The following LRRN4 variants were observed in gnomAD, a reference collection of about 807,000 sequenced individuals.
The protein encoded by LRRN4 is leucine rich repeat neuronal 4.
LRRN4 carries 26 observed loss-of-function variants against 22.3 expected under a neutral mutation model. That is an observed-to-expected ratio of 1.16 (90% CI 0.85 to 1.62). LRRN4 has a LOEUF of 1.62. Ranked by LOEUF, LRRN4 falls within the 40% of genes most tolerant of loss-of-function variation. LRRN4 has a pLI of 0.00. For missense variants in LRRN4, 1,070 were observed against 1,008.5 expected (o/e 1.06, Z -0.83); for synonymous variants, 496 against 486.2 (o/e 1.02, Z -0.26).
At chr20:6,053,176 A>G (rs11087709) in intron 1 of LRRN4, among the ~76,000 whole-genome samples, 2 of 152,176 alleles carry the variant, frequency 1.3e-5, no homozygotes, top group East Asian at 3.9e-4. Context: ...TGTCCCCTTT[A>G]TTGCTGCAAA....
chr20:6,042,651 T>C (rs1463758167), intron 4 of LRRN4, among the ~76,000 whole-genome samples: 1 of 152,194 alleles, frequency 6.6e-6, no homozygotes, highest in East Asian at 1.9e-4. Flanking sequence ...GCCGGTGCGA[T>C]GGCTCAAGCC....
intron 3 of LRRN4, among the ~76,000 whole-genome samples, chr20:6,047,429 C>T (rs1019079921): frequency 7.9e-5 from 6 of 75,766 alleles, no homozygotes; most frequent in Non-Finnish European, 1.3e-4. Flanking sequence ...CACACATACA[C>T]ACACACACAC....
At position 6,052,263 on chromosome 20, in the gene LRRN4, G is replaced by A. The variant is rs371864241; in HGVS notation, c.537C>T (p.Cys179=). 25 of 1,553,086 alleles carry A rather than the reference G, an allele frequency of 1.6e-5. No homozygotes were observed. The African/African-American group carries it at 2.8e-4, about 17-fold the overall frequency. The change falls in exon 2 of 5, where the codon TGC becomes TGT. Residue 179 remains cysteine (C), a synonymous_variant. Transcript: ENST00000378858. The part of the protein sequence containing the change: ...FPALQLLNLS[C]TALGRGAQGG... ...CCTGGGCTCCGCGACCCAGCGCGGT[G>A]CAGGAGAGGTTGAGGAGCTGCAGCG...
chr20:6,040,898 C>T lies in LRRN4; in HGVS notation c.*124G>A. 1 of 1,347,496 alleles carries T rather than the reference C, an allele frequency of 7.4e-7. No homozygotes were observed. Among genetic ancestry groups the T allele is most frequent in the East Asian group, 2.4e-5 (1 of 42,274 alleles). 83.5% of individuals were successfully genotyped at this position (1,347,496 alleles called of 1,614,324 possible). A position where few individuals can be genotyped will look rare whatever the true frequency, so the allele number is the denominator to read the frequency against. On this transcript the variant is annotated 3_prime_UTR_variant, in exon 5 of 5. Transcript: ENST00000378858. The stretch of plus-strand genomic sequence containing the variant: ...CAGTGTGGCAAGTTCCATGTGTGCT[C>T]AAGGCATTCTGGCTTCACGGGAATT...
chr20:6,043,176 A>G (rs1272727384), intron 4 of LRRN4, among the ~76,000 whole-genome samples: 1 of 152,174 alleles, frequency 6.6e-6, no homozygotes, highest in Non-Finnish European at 1.5e-5. Flanking sequence ...TGGGAGGCCC[A>G]TGTAGGAGGA....
rs1980906287 is a variant in LRRN4 at position 6,040,917 on chromosome 20, G to A, written c.*105C>T. On this transcript the variant is annotated 3_prime_UTR_variant, in exon 5 of 5. Transcript: ENST00000378858. ...TGTGCTCAAGGCATTCTGGCTTCAC[G>A]GGAATTAGAAACCCTAGGAGCGGAT... 6.7e-7 allele frequency: 1 copy of A among 1,485,750 alleles called. No homozygotes were observed. Among genetic ancestry groups the A allele is most frequent in the South Asian group, 1.3e-5 (1 of 76,018 alleles). 92.0% of individuals were successfully genotyped at this position (1,485,750 alleles called of 1,614,324 possible). A position where few individuals can be genotyped will look rare whatever the true frequency, so the allele number is the denominator to read the frequency against.
rs1246666688 is a variant in LRRN4, at chr20:6,041,785, G to C, written c.1460C>G (p.Pro487Arg). 16 of 1,614,058 alleles carry C rather than the reference G, an allele frequency of 9.9e-6. No individual in the cohort carries two copies. The highest frequency in any genetic ancestry group is 1.3e-5 in the Non-Finnish European group (15 of 1,180,036). The change falls in exon 5 of 5, where the codon CCT (proline) becomes CGT (arginine). Residue 487 changes from proline to arginine, a missense_variant. By Grantham distance (103) the Pro-to-Arg change is moderately radical. Coordinates refer to ENST00000378858, the MANE Select transcript of LRRN4 (RefSeq NM_152611.5). This position sits in a 1 kb window ranked among gnomAD's most constrained non-coding sequence, Gnocchi z 9.4. ...GCTTATGCTGCGGTCCCACGAGGTAGGGAAGGGGCCCAGGAGCTTGCTGGC... is the reference window on the plus strand; with the variant it reads ...GCTTATGCTGCGGTCCCACGAGGTACGGAAGGGGCCCAGGAGCTTGCTGGC... ...PLASKLLGPFPTSWDRSISSP... is the reference protein window; with the variant it reads ...PLASKLLGPFRTSWDRSISSP...
chr20:6,052,886 C>T (rs1320875835), intron 1 of LRRN4, 82 bp from the exon 2 acceptor site: 3 of 1,372,788 alleles, frequency 2.2e-6, no homozygotes, highest in East Asian at 5.1e-5. Flanking sequence ...AACCCTACCT[C>T]CAGGGCTCTG....
rs764198761 is a variant in LRRN4 at position 6,052,446 on chromosome 20, C to T, written c.354G>A (p.Pro118=). The T allele has an allele frequency of 2.6e-6, 4 of 1,552,426 alleles. No homozygotes were observed. Among genetic ancestry groups the T allele is most frequent in the East Asian group, 2.4e-5 (1 of 42,042 alleles). Residue 118 remains proline, a synonymous_variant, in exon 2 of 5, where the codon CCG becomes CCA. Transcript: ENST00000378858. ...HNRIAALRWG[P]GGPAGLHTLD... ...GGGTGTGCAGCCCCGCCGGCCCACC[C>T]GGGCCCCAGCGCAGCGCGGCGATGC...
In LRRN4 at chr20:6,041,391, G is replaced by A. The variant is rs751055839; in HGVS notation, c.1854C>T (p.Gly618=). ...HGYQIRYSAE[G]WAGNQSVVGV... ...CCACCACCGACTGGTTCCCCGCCCAGCCCTCCGCAGAGTAGCGGATCTGGT... is the reference window on the plus strand; with the variant it reads ...CCACCACCGACTGGTTCCCCGCCCAACCCTCCGCAGAGTAGCGGATCTGGT... The change falls in exon 5 of 5, where the codon GGC becomes GGT. Residue 618 remains glycine (G), a synonymous_variant. Transcript: ENST00000378858. This position sits in a 1 kb window ranked among gnomAD's most constrained non-coding sequence, Gnocchi z 9.4. 1.0e-5 allele frequency: 16 copies of A among 1,578,194 alleles called. No individual in the cohort carries two copies. The East Asian group carries it at 3.6e-4, about 35-fold the overall frequency.
intron 3 of LRRN4, among the ~76,000 whole-genome samples, chr20:6,049,169 T>A (rs960357216): frequency 1.3e-5 from 2 of 152,202 alleles, no homozygotes; most frequent in African/African-American, 4.8e-5. Flanking sequence ...CTTCTGACAT[T>A]CACCCGGTGA....
chr20:6,042,436 C>T (rs1980990955), intron 4 of LRRN4, among the ~76,000 whole-genome samples, 190 bp from the exon 5 acceptor site: 1 of 152,152 alleles, frequency 6.6e-6, no homozygotes, highest in South Asian at 2.1e-4. Flanking sequence ...GAGGAAGCTC[C>T]TGTCCTCACT....
At chr20:6,042,290 A>G (rs1165259833) in intron 4 of LRRN4, 44 bp from the exon 5 acceptor site, 1 of 1,563,700 alleles carries the variant, frequency 6.4e-7, no homozygotes, top group Non-Finnish European at 8.6e-7. Flanking sequence ...GGCTTCAGGG[A>G]CACTTCTGCG....
Position 6,052,358 on chromosome 20 carries a change from G to C in LRRN4, c.442C>G (p.Leu148Val), listed in dbSNP as rs6117050. 9.9e-6 allele frequency: 15 copies of C among 1,511,120 alleles called. No homozygotes were observed. The highest frequency in any genetic ancestry group is 1.2e-5 in the Non-Finnish European group (14 of 1,138,932). 93.6% of individuals were successfully genotyped at this position (1,511,120 alleles called of 1,614,324 possible). Reference sequence around the variant, plus strand: ...TTCCCGGCGAGCGCCAGGGCGCGGAGGCTGCTCAGCGCGGGCCCGGTGCAC... The same window carrying C: ...TTCCCGGCGAGCGCCAGGGCGCGGACGCTGCTCAGCGCGGGCCCGGTGCAC... The part of the protein sequence containing the change: ...PPCTGPALSS[L>V]RALALAGNPL... The change falls in exon 2 of 5, where the codon CTC (leucine) becomes GTC (valine). Residue 148 changes from leucine to valine, a missense_variant. Transcript: ENST00000378858.
intron 2 of LRRN4, 31 bp downstream of exon 2, chr20:6,052,114 C>A (rs921916216): frequency 6.4e-7 from 1 of 1,559,552 alleles, no homozygotes; most frequent in Non-Finnish European, 8.7e-7. Flanking sequence ...TGCGCTCAGG[C>A]CGGCTGAAAA....
chr20:6,047,328 C>T (rs906245902), intron 3 of LRRN4, among the ~76,000 whole-genome samples: 1 of 151,936 alleles, frequency 6.6e-6, no homozygotes, highest in Non-Finnish European at 1.5e-5. Context: ...TGTCACTTTC[C>T]AGTAGTTCCA....
rs115443528 is a variant in LRRN4, at chr20:6,041,778, C to T, written c.1467G>A (p.Ser489=). 548 of 1,614,062 alleles carry T rather than the reference C, an allele frequency of 3.4e-4. 2 individuals are homozygous for T. In the African/African-American group the frequency reaches 6.3e-3, roughly 19 times the overall value. Residue 489 remains serine, a synonymous_variant, in exon 5 of 5, where the codon TCG becomes TCA. Coordinates refer to ENST00000378858, the MANE Select transcript of LRRN4 (RefSeq NM_152611.5). The surrounding 1 kb of genome is among the most constrained non-coding windows in gnomAD (Gnocchi z 9.4). ...GAGGCGAGCTTATGCTGCGGTCCCA[C>T]GAGGTAGGGAAGGGGCCCAGGAGCT... ...ASKLLGPFPT[S]WDRSISSPQP...
At chr20:6,043,727 G>A (rs1243671334) in intron 4 of LRRN4, among the ~76,000 whole-genome samples, 1 of 152,044 alleles carries the variant, frequency 6.6e-6, no homozygotes, top group Non-Finnish European at 1.5e-5. Context: ...GTAACATGAT[G>A]AGACTCCATC....
In LRRN4 at chr20:6,041,215, TTGG is replaced by T; in HGVS notation, c.2027_2029del (p.Thr676del). 1.3e-6 allele frequency: 2 copies of T among 1,588,506 alleles called. No homozygotes were observed. The highest frequency in any genetic ancestry group is 1.7e-4 in the Middle Eastern group (1 of 5,844). On this transcript the variant is annotated inframe_deletion, in exon 5 of 5. Coordinates refer to ENST00000378858, the MANE Select transcript of LRRN4 (RefSeq NM_152611.5). This position sits in a 1 kb window ranked among gnomAD's most constrained non-coding sequence, Gnocchi z 9.4. ...AGAGAGCAGGAGCGCGAAGCTGGGCTTGGTGGTGAAGGCGGCGCACGGGCTCCT... is the reference window on the plus strand; with the variant it reads ...AGAGAGCAGGAGCGCGAAGCTGGGCTTGGTGAAGGCGGCGCACGGGCTCCT...
Sources: allele counts gnomAD v4.1 joint callset (sites outside exome capture counted in the v4.1 genomes callset), GRCh38; gene constraint gnomAD v4.1.1; non-coding constraint Gnocchi (gnomAD v3.1); transcripts MANE v1.5; gene names NCBI Gene and HGNC (gene_info 2026-07-23, HGNC 2026-07-21).